The following SYNJ1 variants were observed in gnomAD, a reference collection of about 807,000 sequenced individuals.
SYNJ1 encodes the protein polyphosphatidylinositol phosphatase SYNJ1.
SYNJ1 carries 78 observed loss-of-function variants against 168.2 expected under a neutral mutation model. That is an observed-to-expected ratio of 0.46 (90% confidence interval 0.39 to 0.56). The LOEUF is 0.56. SYNJ1 is among the 20% of genes least tolerant of loss of function. The pLI, the probability that SYNJ1 is intolerant of heterozygous loss-of-function variation, is 0.00. For missense variants in SYNJ1, 1,303 were observed against 1,597.6 expected (o/e 0.82, Z 3.14); for synonymous variants, 539 against 548.6 (o/e 0.98, Z 0.24).
At chr21:32,638,324 C>T (rs1184762216) in intron 31 of SYNJ1, among the ~76,000 whole-genome samples, 4 of 152,280 alleles carry the variant, frequency 2.6e-5, no homozygotes, top group African/African-American at 7.2e-5. Flanking sequence ...CCTCAGCCTT[C>T]CAAAGTGTTA....
chr21:32,683,642 T>A (rs574740075), intron 10 of SYNJ1, among the ~76,000 whole-genome samples: 1 of 152,178 alleles, frequency 6.6e-6, no homozygotes, highest in Admixed American at 6.5e-5. Flanking sequence ...ATTGTACATA[T>A]GAAAATAGAC....
intron 2 of SYNJ1, among the ~76,000 whole-genome samples, chr21:32,723,724 G>A (rs955042042): frequency 1.3e-5 from 2 of 152,208 alleles, no homozygotes; most frequent in African/African-American, 2.4e-5. Context: ...AGGAGGCTGA[G>A]GCAGGAGGAT....
At chr21:32,672,667 T>C (rs949605073) in intron 14 of SYNJ1, among the ~76,000 whole-genome samples, 1 of 152,194 alleles carries the variant, frequency 6.6e-6, no homozygotes, top group Non-Finnish European at 1.5e-5. Flanking sequence ...TATCCTCTGC[T>C]AAATGTTTGG....
intron 12 of SYNJ1, 125 bp downstream of exon 12, chr21:32,678,506 GTACTTTTCAAAAAT>G: frequency 1.1e-6 from 1 of 874,134 alleles, no homozygotes; most frequent in Non-Finnish European, 1.6e-6. Context: ...CTTGGAGAAT[GTACTTTTCAAAAAT>G]TACCTTTACA....
chr21:32,708,043 T>A (rs947165225), intron 2 of SYNJ1, among the ~76,000 whole-genome samples: 1 of 152,206 alleles, frequency 6.6e-6, no homozygotes, highest in Non-Finnish European at 1.5e-5. Context: ...TTTTACTTTA[T>A]CATTGAAAGT....
chr21:32,689,831 A>G (rs544695667), intron 6 of SYNJ1, among the ~76,000 whole-genome samples: 102 of 152,376 alleles, frequency 6.7e-4, no homozygotes, highest in Non-Finnish European at 1.2e-3. Context: ...CAATTAGCCT[A>G]ATGTCACATC....
In SYNJ1 at chr21:32,676,342, T is replaced by C. The variant is rs1465730965; in HGVS notation, c.1524A>G (p.Thr508=). 2 of 1,606,768 alleles carry C rather than the reference T, an allele frequency of 1.2e-6. No homozygotes were observed. Among genetic ancestry groups the C allele is most frequent in the African/African-American group, 1.3e-5 (1 of 74,606 alleles). Residue 508 remains threonine, a synonymous_variant, in exon 13 of 33, where the codon ACA becomes ACG. Transcript: ENST00000674351. ...TTGSLRVSEQ[T]LQSASSKVLK... ...TTTTCTATACTGTACCTGACTGTAATGTCTGCTCAGAAACTATGGATGCAA... is the reference window on the plus strand; with the variant it reads ...TTTTCTATACTGTACCTGACTGTAACGTCTGCTCAGAAACTATGGATGCAA...
In SYNJ1 at chr21:32,643,401, T is replaced by A; in HGVS notation, c.3478+9A>T. 6.2e-7 allele frequency: 1 copy of A among 1,612,378 alleles called. No homozygotes were observed. The highest frequency in any genetic ancestry group is 1.7e-5 in the Admixed American group (1 of 59,792). ...GAGAACCACTTCTATAATGCAAGAGTCTTGTTACCTTCCATCTCTCTCCTA... is the reference window on the plus strand; with the variant it reads ...GAGAACCACTTCTATAATGCAAGAGACTTGTTACCTTCCATCTCTCTCCTA... On this transcript the variant is annotated intron_variant, in intron 27 of 32. Transcript: ENST00000674351.
intron 2 of SYNJ1, among the ~76,000 whole-genome samples, chr21:32,718,654 T>C (rs2043108052): frequency 6.6e-6 from 1 of 151,678 alleles, no homozygotes; most frequent in African/African-American, 2.4e-5. Flanking sequence ...TGACAGCGTT[T>C]GGCAATTAAA....
chr21:32,644,846 G>T, intron 26 of SYNJ1, 122 bp downstream of exon 26: 3 of 1,064,756 alleles, frequency 2.8e-6, no homozygotes, highest in South Asian at 1.6e-5. Context: ...TTTTATTTGT[G>T]GATTAGTTTT....
chr21:32,655,590 A>C (rs2145843241), intron 21 of SYNJ1, among the ~76,000 whole-genome samples: 1 of 152,170 alleles, frequency 6.6e-6, no homozygotes, highest in Non-Finnish European at 1.5e-5. Flanking sequence ...GTCATTACAC[A>C]CATGCTGACT....
intron 4 of SYNJ1, among the ~76,000 whole-genome samples, chr21:32,695,633 A>ATATC (rs2042175895): frequency 6.8e-6 from 1 of 147,956 alleles, no homozygotes; most frequent in Non-Finnish European, 1.5e-5. Flanking sequence ...TTTTAAAAAA[A>ATATC]TATTTATTTA....
chr21:32,694,443 C>A, intron 5 of SYNJ1, 132 bp from the exon 6 acceptor site: 2 of 615,334 alleles, frequency 3.3e-6, no homozygotes, highest in South Asian at 4.9e-5. Flanking sequence ...TACAATTGTC[C>A]AAAACAGGCC....
At chr21:32,717,482 C>G (rs1185950628) in intron 2 of SYNJ1, among the ~76,000 whole-genome samples, 9 of 152,194 alleles carry the variant, frequency 5.9e-5, no homozygotes, top group African/African-American at 1.4e-4. Context: ...TACTTGGAAA[C>G]AGTGGCATCC....
In SYNJ1 at chr21:32,685,728, G is replaced by C; in HGVS notation, c.1118+20C>G. ...AATTAATGTTCCAATTCAAAGAACAGAGAAACAGAACAGTCAAACCTTTGA... is the reference window on the plus strand; with the variant it reads ...AATTAATGTTCCAATTCAAAGAACACAGAAACAGAACAGTCAAACCTTTGA... On this transcript the variant is annotated intron_variant, in intron 9 of 32. Transcript: ENST00000674351. The C allele has an allele frequency of 6.6e-7, 1 of 1,522,710 alleles. No individual in the cohort carries two copies. The allele number at this position is 1,522,710 out of a possible 1,614,324, so 94.3% of individuals were successfully genotyped here. A position where few individuals can be genotyped will look rare whatever the true frequency, so the allele number is the denominator to read the frequency against.
At chr21:32,719,456 G>A (rs1399475904) in intron 2 of SYNJ1, among the ~76,000 whole-genome samples, 7 of 152,346 alleles carry the variant, frequency 4.6e-5, no homozygotes, top group Non-Finnish European at 8.8e-5. Flanking sequence ...GCTCACGCCC[G>A]TAATCCCAGC....
In SYNJ1 at chr21:32,664,892, TTTTC is replaced by T. The variant is rs765882544; in HGVS notation, c.2304+17_2304+20del. The T allele has an allele frequency of 1.3e-6, 2 of 1,526,832 alleles. No homozygotes were observed. Among genetic ancestry groups the T allele is most frequent in the South Asian group, 2.5e-5 (2 of 79,138 alleles). 94.6% of individuals were successfully genotyped at this position (1,526,832 alleles called of 1,614,324 possible). ...ACGACCCAAAATCTTAATGCAAGTA[TTTTC>T]TCAAGTATAGATATACCTGTCCAGC... is the stretch of plus-strand genomic sequence containing the variant. On this transcript the variant is annotated intron_variant, in intron 18 of 32. Transcript: ENST00000674351.
intron 2 of SYNJ1, among the ~76,000 whole-genome samples, chr21:32,706,801 A>T (rs1456012486): frequency 1.3e-5 from 2 of 152,134 alleles, no homozygotes; most frequent in Non-Finnish European, 2.9e-5. Context: ...GGATGAACCT[A>T]ATTAAATTTC....
chr21:32,709,498 AAAAG>A (rs1442069798), intron 2 of SYNJ1, among the ~76,000 whole-genome samples: 3 of 146,660 alleles, frequency 2.0e-5, no homozygotes, highest in Non-Finnish European at 3.0e-5. Flanking sequence ...AAAAAAAAAA[AAAAG>A]AAAGAGATTT....
Sources: gnomAD v4.1 joint callset for allele counts (sites outside exome capture counted in the v4.1 genomes callset) on GRCh38, gnomAD v4.1.1 for gene constraint, MANE v1.5 for transcripts, NCBI Gene and HGNC (gene_info 2026-07-23, HGNC 2026-07-21) for gene names.